ARID1B: variants seen among roughly 807,000 people sequenced by gnomAD.
The protein encoded by ARID1B is AT-rich interaction domain 1B.
ARID1B carries 30 observed loss-of-function variants against 212.3 expected under a neutral mutation model. That is an observed-to-expected ratio of 0.14 (90% CI 0.11 to 0.19). ARID1B has a LOEUF of 0.19. ARID1B is among the 10% of genes least tolerant of loss of function. ARID1B has a pLI of 1.00. For synonymous variants in ARID1B, 1,402 were observed against 1,301.7 expected, an observed-to-expected ratio of 1.08 and a Z score of -1.66; for missense variants, 2,891 against 3,204.0, an observed-to-expected ratio of 0.90 and a Z score of 2.36.
At chr6:156,920,908 G>A (rs964574619) in intron 3 of ARID1B, among the ~76,000 whole-genome samples, 3 of 151,760 alleles carry the variant, frequency 2.0e-5, no homozygotes, top group Non-Finnish European at 4.4e-5. Flanking sequence ...AGGCTGGAGG[G>A]CAGTGGTGCA....
rs1198390528 is a variant in ARID1B at position 156,955,526 on chromosome 6, C to G, written c.2247+19950C>G. Among the ~76,000 whole-genome samples the G allele has an allele frequency of 6.6e-6, 1 of 152,140 alleles. No individual in the cohort carries two copies. The highest frequency in any genetic ancestry group is 2.4e-5 in the African/African-American group (1 of 41,416). ...TCCAATGATGTAACACATATAAAGG[C>G]TCTGTAATAATTGAAAGTTATACAT... On this transcript the variant is annotated intron_variant, in intron 4 of 19. Transcript: ENST00000636930. This position sits in a 1 kb window ranked among gnomAD's most constrained non-coding sequence, Gnocchi z 4.2.
At chr6:157,077,567 C>G (rs1382193313) in intron 4 of ARID1B, among the ~76,000 whole-genome samples, 1 of 152,192 alleles carries the variant, frequency 6.6e-6, no homozygotes, top group Non-Finnish European at 1.5e-5. Flanking sequence ...TGTCTCTTTC[C>G]CTGCCAAGTG....
chr6:156,862,729 C>T (rs911460499), intron 2 of ARID1B, among the ~76,000 whole-genome samples: 2 of 152,120 alleles, frequency 1.3e-5, no homozygotes, highest in African/African-American at 4.8e-5. Context: ...GACTGCATGT[C>T]TTGTTGTGTG....
intron 3 of ARID1B, among the ~76,000 whole-genome samples, chr6:156,907,776 C>T (rs961713298): frequency 1.3e-5 from 2 of 150,828 alleles, no homozygotes; most frequent in African/African-American, 4.9e-5. Context: ...GGCATGTTGG[C>T]ACACATCTGT....
intron 4 of ARID1B, among the ~76,000 whole-genome samples, chr6:156,981,350 A>G (rs1005808919): frequency 6.6e-6 from 1 of 152,240 alleles, no homozygotes; most frequent in Non-Finnish European, 1.5e-5. Context: ...TTAAGCATTC[A>G]GAAACAAAAA....
chr6:156,997,752 C>A lies in ARID1B; in HGVS notation c.2247+62176C>A, dbSNP rs1354338478. Reference sequence around the variant, plus strand: ...AACTTTATATTTAAGTTTACATTAGCATAAAGGAATGCATTTGAATATCTA... The same window carrying A: ...AACTTTATATTTAAGTTTACATTAGAATAAAGGAATGCATTTGAATATCTA... On this transcript the variant is annotated intron_variant, in intron 4 of 19. Coordinates refer to ENST00000636930, the MANE Select transcript of ARID1B (RefSeq NM_001374828.1). Among the ~76,000 whole-genome samples the A allele has an allele frequency of 2.0e-5, 3 of 151,312 alleles. No homozygotes were observed. The East Asian group carries it at 5.8e-4, about 29-fold the overall frequency.
chr6:157,194,683 A>T (rs939114241), intron 15 of ARID1B: 5 of 152,096 alleles, frequency 3.3e-5, no homozygotes, highest in African/African-American at 1.2e-4. Context: ...AATTTTTTTA[A>T]TCCTTATTTT....
intron 4 of ARID1B, chr6:156,935,939 A>G (rs1201269262): frequency 6.0e-6 from 1 of 166,938 alleles, no homozygotes; most frequent in Non-Finnish European, 1.3e-5. Flanking sequence ...CTTAAAAGAA[A>G]TTTGCACTTT....
At chr6:157,106,910 C>T (rs577890335) in intron 5 of ARID1B, among the ~76,000 whole-genome samples, 1 of 152,286 alleles carries the variant, frequency 6.6e-6, no homozygotes, top group African/African-American at 2.4e-5. Context: ...TCACCGTTAG[C>T]CGATACCACT....
intron 4 of ARID1B, among the ~76,000 whole-genome samples, chr6:157,039,638 C>CTTCCTTCCTTCT (rs1562568981): frequency 5.0e-5 from 6 of 119,364 alleles, no homozygotes; most frequent in African/African-American, 1.0e-4. Context: ...TCCTTCCTTC[C>CTTCCTTCCTTCT]TTCCTTCTTT....
intron 2 of ARID1B, among the ~76,000 whole-genome samples, chr6:156,896,576 CAAAAAAAAAA>C (rs72490811): frequency 1.7e-4 from 8 of 45,916 alleles, no homozygotes; most frequent in South Asian, 1.1e-3. Flanking sequence ...AACTGCGTCT[CAAAAAAAAAA>C]AAAAAAAAAA....
chr6:157,177,998 A>G lies in ARID1B; in HGVS notation c.3505-2971A>G, dbSNP rs549208643. On this transcript the variant is annotated intron_variant, in intron 11 of 19. Coordinates refer to ENST00000636930, the MANE Select transcript of ARID1B (RefSeq NM_001374828.1). ...GTGATAACGTACATGCTCTCTATTC[A>G]CTAAGTCTTTAATTGCGCTCTGTTC... Among the ~76,000 whole-genome samples the G allele has an allele frequency of 3.3e-5, 5 of 152,248 alleles. No individual in the cohort carries two copies. The East Asian group carries it at 9.7e-4, about 29-fold the overall frequency.
At chr6:157,076,098 T>A (rs1442841152) in intron 4 of ARID1B, among the ~76,000 whole-genome samples, 3 of 152,170 alleles carry the variant, frequency 2.0e-5, no homozygotes, top group Non-Finnish European at 4.4e-5. Flanking sequence ...GTAAAGGAAC[T>A]CTCAGTCTGA....
At chr6:156,793,923 C>T (rs192331411) in intron 1 of ARID1B, among the ~76,000 whole-genome samples, 473 of 152,356 alleles carry the variant, frequency 3.1e-3, no homozygotes, top group Non-Finnish European at 5.4e-3. Flanking sequence ...ATCCTTTCAA[C>T]AGTCTTGCAA....
At chr6:156,963,768 A>G (rs1794558056) in intron 4 of ARID1B, among the ~76,000 whole-genome samples, 1 of 152,222 alleles carries the variant, frequency 6.6e-6, no homozygotes, top group African/African-American at 2.4e-5. Context: ...TTTATTTGAA[A>G]TTCTTCTTGT....
chr6:156,971,269 T>C (rs907636519), intron 4 of ARID1B, among the ~76,000 whole-genome samples: 4 of 152,210 alleles, frequency 2.6e-5, no homozygotes, highest in African/African-American at 9.7e-5. Context: ...CTGCTTTCCT[T>C]ATTGATAGAC....
intron 4 of ARID1B, among the ~76,000 whole-genome samples, chr6:156,999,017 T>G (rs1029808097): frequency 6.6e-6 from 1 of 152,206 alleles, no homozygotes; most frequent in Non-Finnish European, 1.5e-5. Flanking sequence ...AGTTTATATG[T>G]TTCTCTCTTC....
intron 4 of ARID1B, among the ~76,000 whole-genome samples, chr6:157,080,624 T>G (rs774420053): frequency 6.6e-6 from 1 of 152,202 alleles, no homozygotes; most frequent in Non-Finnish European, 1.5e-5. Context: ...TCTGAACATA[T>G]TCATGCTGCA....
At chr6:157,098,960 G>GTTTATTTTT (rs1371420831) in intron 5 of ARID1B, among the ~76,000 whole-genome samples, 1 of 152,090 alleles carries the variant, frequency 6.6e-6, no homozygotes, top group African/African-American at 2.4e-5. Context: ...TATGACTCCA[G>GTTTATTTTT]TTTATTTTTT....
Sources: allele counts gnomAD v4.1 joint callset (sites outside exome capture counted in the v4.1 genomes callset), GRCh38; gene constraint gnomAD v4.1.1; non-coding constraint Gnocchi (gnomAD v3.1); transcripts MANE v1.5; gene names NCBI Gene and HGNC (gene_info 2026-07-23, HGNC 2026-07-21).